WDR48: variants seen among roughly 807,000 people sequenced by gnomAD.
The protein encoded by WDR48 is WD repeat-containing protein 48.
A neutral mutation model predicts 94.0 loss-of-function variants in WDR48; 22 were observed. The observed-to-expected ratio is 0.23, with a 90% confidence interval of 0.17 to 0.33. The LOEUF is 0.33. WDR48 is among the 10% of genes least tolerant of loss of function. WDR48 has a pLI of 1.00. For missense variants in WDR48, 541 were observed against 813.8 expected (o/e 0.66, Z 4.08); for synonymous variants, 278 against 280.5 (o/e 0.99, Z 0.09).
chr3:39,065,162 C>T (rs1490751414), intron 2 of WDR48, among the ~76,000 whole-genome samples: 1 of 152,156 alleles, frequency 6.6e-6, no homozygotes, highest in Non-Finnish European at 1.5e-5. Context: ...AAGGCCTCTC[C>T]TGGTTATTAA....
intron 7 of WDR48, 37 bp downstream of exon 7, chr3:39,069,781 T>C (rs1041909040): frequency 3.2e-6 from 5 of 1,571,924 alleles, no homozygotes; most frequent in Admixed American, 3.5e-5. Flanking sequence ...CTAATAACCT[T>C]GTTAGAAATT....
Position 39,094,735 on chromosome 3 carries a change from T to C in WDR48, c.2026T>C (p.Ser676Pro), listed in dbSNP as rs1559632011. The C allele has an allele frequency of 1.2e-6, 2 of 1,614,082 alleles. No individual in the cohort carries two copies. The highest frequency in any genetic ancestry group is 1.7e-6 in the Non-Finnish European group (2 of 1,180,008). The change falls in exon 19 of 19, where the codon TCC (serine) becomes CCC (proline). Residue 676 changes from serine to proline, a missense_variant. Ser to Pro is a moderately conservative substitution (Grantham distance 74). This residue lies in a region of WDR48 where 109 missense variants were observed against 195.5 expected (regional missense o/e 0.56). Transcript: ENST00000302313. ...CCTCACCCTCCATTACCGTCAGAAG[T>C]CCACGTGAAGGCTGGGCTAATGCTC... ...GDLTLHYRQK[S>P]T
At chr3:39,060,310 T>C (rs1178265462) in intron 1 of WDR48, among the ~76,000 whole-genome samples, 1 of 152,204 alleles carries the variant, frequency 6.6e-6, no homozygotes, top group Non-Finnish European at 1.5e-5. Context: ...TATATATAAA[T>C]AGAGTCATAA....
chr3:39,062,459 C>T (rs1269393203), intron 1 of WDR48, among the ~76,000 whole-genome samples: 1 of 152,164 alleles, frequency 6.6e-6, no homozygotes, highest in African/African-American at 2.4e-5. Flanking sequence ...GTGATAGGAG[C>T]TCAAAACCTC....
Position 39,060,845 on chromosome 3 carries a change from T to C in WDR48, c.49-2205T>C, listed in dbSNP as rs200204538. ...AGCTGGGCACAGTGGCATATGCCTG[T>C]AATCCCAGCTACTCAGGAGGCTGAG... On this transcript the variant is annotated intron_variant, in intron 1 of 18. Coordinates refer to ENST00000302313, the MANE Select transcript of WDR48 (RefSeq NM_020839.4). 3.9e-4 allele frequency among the ~76,000 whole-genome samples: 59 copies of C among 152,280 alleles called. 1 individual carries two copies. In the East Asian group the frequency reaches 0.011, roughly 27 times the overall value.
intron 6 of WDR48, 71 bp from the exon 7 acceptor site, chr3:39,069,572 T>G: frequency 7.7e-6 from 10 of 1,299,698 alleles, no homozygotes; most frequent in Non-Finnish European, 9.8e-6. Flanking sequence ...ATTTGACTTA[T>G]GAGAGTTGTC....
chr3:39,060,062 G>A (rs2033155030), intron 1 of WDR48, among the ~76,000 whole-genome samples: 1 of 152,070 alleles, frequency 6.6e-6, no homozygotes, highest in Non-Finnish European at 1.5e-5. Context: ...CATTCAGAAG[G>A]TTTAAGAAAA....
intron 10 of WDR48, among the ~76,000 whole-genome samples, chr3:39,078,749 T>G (rs973212969): frequency 3.8e-5 from 1 of 26,436 alleles, no homozygotes; most frequent in African/African-American, 1.6e-4. Context: ...ATGCTGTTAA[T>G]GGGCCGGGCG....
At chr3:39,088,005 TG>T in intron 14 of WDR48, 122 bp from the exon 15 acceptor site, 1 of 838,620 alleles carries the variant, frequency 1.2e-6, no homozygotes, top group Non-Finnish European at 1.9e-6. Flanking sequence ...TTTCTAACTC[TG>T]GTGGACTTAG....
chr3:39,079,029 C>CAAA (rs566314334), intron 10 of WDR48, among the ~76,000 whole-genome samples: 101 of 101,298 alleles, frequency 1.0e-3, no homozygotes, highest in African/African-American at 3.2e-3. Flanking sequence ...GACTCCGTCT[C>CAAA]AAAAAAAAAA....
intron 16 of WDR48, 60 bp downstream of exon 16, chr3:39,089,378 A>G: frequency 6.9e-7 from 1 of 1,443,558 alleles, no homozygotes; most frequent in Non-Finnish European, 9.6e-7. Context: ...GAAATTAAGA[A>G]CTGCTTTAGA....
Position 39,052,037 on chromosome 3 carries a change from T to C in WDR48, c.12T>C (p.His4=). MAA[H]HRQNTAGRRK... Reference sequence around the variant, plus strand: ...TGTCAACATGCAAGATGGCGGCCCATCACCGGCAGAACACAGCAGGGCGGA... The same window carrying C: ...TGTCAACATGCAAGATGGCGGCCCACCACCGGCAGAACACAGCAGGGCGGA... Residue 4 remains histidine (H), a synonymous_variant, in exon 1 of 19, where the codon CAT becomes CAC. Coordinates refer to ENST00000302313, the MANE Select transcript of WDR48 (RefSeq NM_020839.4). The C allele has an allele frequency of 6.2e-7, 1 of 1,613,866 alleles. No homozygotes were observed. Among genetic ancestry groups the C allele is most frequent in the South Asian group, 1.1e-5 (1 of 91,084 alleles).
Position 39,094,459 on chromosome 3 carries a change from C to A in WDR48, c.1939-189C>A. ...TGGCCTGGTGTTTCTGGCATAGTCACAAAAGATGTACATCTCACTAAGCTC... is the reference window on the plus strand; with the variant it reads ...TGGCCTGGTGTTTCTGGCATAGTCAAAAAAGATGTACATCTCACTAAGCTC... On this transcript the variant is annotated intron_variant, in intron 18 of 18. Coordinates refer to ENST00000302313, the MANE Select transcript of WDR48 (RefSeq NM_020839.4). 2.0e-6 allele frequency: 3 copies of A among 1,533,476 alleles called. No individual in the cohort carries two copies. The South Asian group carries it at 3.6e-5, about 18-fold the overall frequency. The allele number at this position is 1,533,476 out of a possible 1,614,324, so 95.0% of individuals were successfully genotyped here. A position where few individuals can be genotyped will look rare whatever the true frequency, so the allele number is the denominator to read the frequency against.
In WDR48 at chr3:39,066,764, G is replaced by A. The variant is rs1264493209; in HGVS notation, c.370G>A (p.Ala124Thr). Residue 124 changes from alanine to threonine, a missense_variant, in exon 5 of 19, where the codon GCA becomes ACA. By Grantham distance (58) the Ala-to-Thr change is moderately conservative. Around this residue, in one of 5 missense-constraint regions of WDR48, gnomAD observed 104 missense variants for 189.7 expected, o/e 0.55. Coordinates refer to ENST00000302313, the MANE Select transcript of WDR48 (RefSeq NM_020839.4). ...ATTACAGGATTACGTAAAGGCCTTA[G>A]CATATGCCAAGGATAAAGAACTAGT... ...RTHKDYVKAL[A>T]YAKDKELVAS... 1 of 1,613,948 alleles carries A rather than the reference G, an allele frequency of 6.2e-7. No homozygotes were observed. Among genetic ancestry groups the A allele is most frequent in the Admixed American group, 1.7e-5 (1 of 59,992 alleles).
chr3:39,073,277 A>T (rs1439067056), intron 7 of WDR48, among the ~76,000 whole-genome samples: 6 of 152,120 alleles, frequency 3.9e-5, no homozygotes, highest in South Asian at 4.1e-4. Context: ...CGTTTGCTTT[A>T]TTGGTTAGTT....
intron 1 of WDR48, among the ~76,000 whole-genome samples, chr3:39,054,638 A>G (rs980609855): frequency 2.6e-5 from 4 of 152,246 alleles, no homozygotes; most frequent in Admixed American, 6.5e-5. Context: ...ACAAAATTGC[A>G]TATGCATGTA....
At chr3:39,060,492 G>T (rs2033190933) in intron 1 of WDR48, among the ~76,000 whole-genome samples, 2 of 151,706 alleles carry the variant, frequency 1.3e-5, no homozygotes, top group African/African-American at 4.8e-5. Flanking sequence ...TATTTGGGTT[G>T]TTTCCACTTT....
intron 17 of WDR48, 129 bp downstream of exon 17, chr3:39,091,830 C>A: frequency 1.2e-6 from 1 of 803,378 alleles, no homozygotes; most frequent in Non-Finnish European, 1.8e-6. Flanking sequence ...AAAGTTTATA[C>A]AATTAAACCA....
chr3:39,094,024 T>A lies in WDR48; in HGVS notation c.1896T>A (p.Ala632=). 1 of 1,613,852 alleles carries A rather than the reference T, an allele frequency of 6.2e-7. No individual in the cohort carries two copies. The highest frequency in any genetic ancestry group is 8.5e-7 in the Non-Finnish European group (1 of 1,179,950). ...PGEQEKEEDI[A]VLAEEKIELL... The stretch of plus-strand genomic sequence containing the variant: ...AACAGGAAAAAGAAGAAGATATTGC[T>A]GTGTTGGCAGAGGAGAAAATTGAAC... The change falls in exon 18 of 19, where the codon GCT becomes GCA. Residue 632 remains alanine (A), a synonymous_variant. Coordinates refer to ENST00000302313, the MANE Select transcript of WDR48 (RefSeq NM_020839.4).
Sources: gnomAD v4.1 joint callset for allele counts (sites outside exome capture counted in the v4.1 genomes callset) on GRCh38, gnomAD v4.1.1 for gene constraint, gnomAD v4.1.1 regional missense constraint, MANE v1.5 for transcripts, NCBI Gene and HGNC (gene_info 2026-07-23, HGNC 2026-07-21) for gene names.